Variants in PPDPFL observed in about 807,000 individuals in gnomAD.
The protein encoded by PPDPFL is pancreatic progenitor cell differentiation and proliferation factor like.
A neutral mutation model predicts 12.6 loss-of-function variants in PPDPFL; 12 were observed. That is an observed-to-expected ratio of 0.95 (90% CI 0.61 to 1.54). PPDPFL has a LOEUF of 1.54. Among genes scored for constraint, PPDPFL ranks in the 40% most tolerant of loss-of-function variants. PPDPFL has a pLI of 0.00. For synonymous variants in PPDPFL, 24 were observed against 32.7 expected (o/e 0.73, Z 0.91); for missense variants, 114 against 96.0 (o/e 1.19, Z -0.78).
intron 4 of PPDPFL, 54 bp from the exon 5 acceptor site, chr8:49,075,098 A>G: frequency 6.3e-7 from 1 of 1,596,876 alleles, no homozygotes; most frequent in Non-Finnish European, 8.5e-7. Flanking sequence ...AATTATCTGG[A>G]CAGTGTTTCA....
upstream of PPDPFL, among the ~76,000 whole-genome samples, chr8:49,068,090 A>T (rs1368443861): frequency 2.0e-5 from 3 of 152,198 alleles, no homozygotes; most frequent in Admixed American, 1.3e-4. Context: ...TGTAATCCTT[A>T]TTACCAGGCA....
At chr8:49,062,958 C>A (rs527428030) in intron 1 of PPDPFL, among the ~76,000 whole-genome samples, 87 of 152,248 alleles carry the variant, frequency 5.7e-4, no homozygotes, top group African/African-American at 2.0e-3. Context: ...TGTAACACCA[C>A]GGGAAGTGCA....
Position 49,075,216 on chromosome 8 carries a change from G to C in PPDPFL, c.*43G>C. 1.2e-6 allele frequency: 2 copies of C among 1,613,886 alleles called. No individual in the cohort carries two copies. The highest frequency in any genetic ancestry group is 1.7e-6 in the Non-Finnish European group (2 of 1,179,854). The stretch of plus-strand genomic sequence containing the variant: ...GCCATTTGATGAACATGTTGGTAAC[G>C]GTTGCCTGCCTTATGTAGCATGAAC... On this transcript the variant is annotated 3_prime_UTR_variant, in exon 5 of 5. Transcript: ENST00000522267.
upstream of PPDPFL, among the ~76,000 whole-genome samples, chr8:49,071,380 G>A (rs1471532731): frequency 1.3e-5 from 2 of 152,110 alleles, no homozygotes; most frequent in Admixed American, 6.5e-5. Flanking sequence ...AAAGCAGGCC[G>A]GGCGCAGTGG....
Position 49,064,588 on chromosome 8 carries a change from C to G in PPDPFL, c.-44-8199C>G, listed in dbSNP as rs572398862. 1.9e-4 allele frequency among the ~76,000 whole-genome samples: 29 copies of G among 152,286 alleles called. No homozygotes were observed. In the South Asian group the frequency reaches 2.1e-3, roughly 11 times the overall value. On this transcript the variant is annotated intron_variant, in intron 1 of 4. Coordinates refer to the PPDPFL transcript ENST00000517663. ...CAGGACAAGCCCACCGAGGCCCACT[C>G]ACTTCAGTCCAGCATCTCTCACTGC...
intron 1 of PPDPFL, among the ~76,000 whole-genome samples, chr8:49,064,024 G>A (rs1808255260): frequency 6.6e-6 from 1 of 152,114 alleles, no homozygotes; most frequent in Non-Finnish European, 1.5e-5. Flanking sequence ...CAGGCATAGA[G>A]CACTTGCCTG....
intron 1 of PPDPFL, among the ~76,000 whole-genome samples, chr8:49,055,371 C>T (rs1442443990): frequency 6.6e-6 from 1 of 152,104 alleles, no homozygotes; most frequent in Non-Finnish European, 1.5e-5. Flanking sequence ...GGACACCACA[C>T]TTATAATAAT....
At chr8:49,072,133 T>C (rs964046322), upstream of PPDPFL, among the ~76,000 whole-genome samples, 5 of 152,238 alleles carry the variant, frequency 3.3e-5, no homozygotes, top group East Asian at 1.9e-4. Flanking sequence ...CAAAAGAGCA[T>C]TGGGCCAAGT....
intron 1 of PPDPFL, among the ~76,000 whole-genome samples, chr8:49,064,721 A>G (rs557830385): frequency 6.6e-6 from 1 of 152,348 alleles, no homozygotes; most frequent in South Asian, 2.1e-4. Flanking sequence ...GAGTTCCTAC[A>G]GTCAGATAAT....
upstream of PPDPFL, among the ~76,000 whole-genome samples, chr8:49,071,919 G>A (rs1252119360): frequency 1.3e-5 from 2 of 152,146 alleles, no homozygotes; most frequent in African/African-American, 2.4e-5. Context: ...CGCTTTGACC[G>A]TGGGACTCTG....
rs1207066655 is a variant in PPDPFL, at chr8:49,076,084, T to TA, written c.*917dup. On this transcript the variant is annotated 3_prime_UTR_variant, in exon 5 of 5. Transcript: ENST00000522267. ...AATTAGAAAATAATAAATGTTAATATAAAAAAGCACTGAAATTTTCTGCAT... is the reference window on the plus strand; with the variant it reads ...AATTAGAAAATAATAAATGTTAATATAAAAAAAGCACTGAAATTTTCTGCAT... 1 of 152,198 alleles carries TA rather than the reference T, an allele frequency of 6.6e-6. No individual in the cohort carries two copies. Among genetic ancestry groups the TA allele is most frequent in the Non-Finnish European group, 1.5e-5 (1 of 68,026 alleles). 9.4% of individuals were successfully genotyped at this position (152,198 alleles called of 1,614,324 possible). A position where few individuals can be genotyped will look rare whatever the true frequency, so the allele number is the denominator to read the frequency against.
intron 1 of PPDPFL, among the ~76,000 whole-genome samples, chr8:49,060,682 ATGAC>A (rs1218690369): frequency 6.6e-6 from 1 of 152,132 alleles, no homozygotes; most frequent in Admixed American, 6.6e-5. Flanking sequence ...GCGGAAAAAA[ATGAC>A]TGTGTGAAAT....
intron 2 of PPDPFL, 32 bp from the exon 3 acceptor site, chr8:49,074,023 GTTAT>G (rs1268342611): frequency 7.0e-7 from 1 of 1,423,954 alleles, no homozygotes; most frequent in East Asian, 2.3e-5. Flanking sequence ...CTGGTTGCCA[GTTAT>G]TTATTTGTTT....
At chr8:49,062,695 T>C (rs1238071335) in intron 1 of PPDPFL, among the ~76,000 whole-genome samples, 3 of 152,074 alleles carry the variant, frequency 2.0e-5, no homozygotes, top group African/African-American at 4.8e-5. Context: ...AGTGGTAAGG[T>C]CAGAATAGCA....
At chr8:49,075,103 GT>G (rs1808469763) in intron 4 of PPDPFL, 48 bp from the exon 5 acceptor site, 1 of 1,601,640 alleles carries the variant, frequency 6.2e-7, no homozygotes, top group Non-Finnish European at 8.5e-7. Context: ...TCTGGACAGT[GT>G]TTCATTTATT....
At chr8:49,062,390 T>C (rs1808224655) in intron 1 of PPDPFL, among the ~76,000 whole-genome samples, 1 of 152,156 alleles carries the variant, frequency 6.6e-6, no homozygotes, top group African/African-American at 2.4e-5. Flanking sequence ...AGAAGGTGGT[T>C]GAAGAAAGGG....
intron 1 of PPDPFL, among the ~76,000 whole-genome samples, chr8:49,056,516 C>T (rs939680024): frequency 6.6e-6 from 1 of 152,108 alleles, no homozygotes; most frequent in Non-Finnish European, 1.5e-5. Flanking sequence ...AAAACTTTGT[C>T]TTGTTAACCT....
chr8:49,070,407 A>G (rs947655269), upstream of PPDPFL, among the ~76,000 whole-genome samples: 2 of 152,248 alleles, frequency 1.3e-5, no homozygotes, highest in African/African-American at 4.8e-5. Context: ...AGAAAGTCTT[A>G]CACTTTTGGA....
At position 49,075,071 on chromosome 8, in the gene PPDPFL, T is replaced by C. The variant is rs1585677663; in HGVS notation, c.234-81T>C. On this transcript the variant is annotated intron_variant, in intron 4 of 4. Transcript: ENST00000522267. Reference sequence around the variant, plus strand: ...AAAGATGTTTTCTTGACACTCTTTATCAAGTTTATTCATTTGAATTATCTG... The same window carrying C: ...AAAGATGTTTTCTTGACACTCTTTACCAAGTTTATTCATTTGAATTATCTG... 15 of 1,554,214 alleles carry C rather than the reference T, an allele frequency of 9.7e-6. No individual in the cohort carries two copies. In the East Asian group the frequency reaches 3.4e-4, roughly 36 times the overall value.
Sources: gnomAD v4.1 joint callset for allele counts (sites outside exome capture counted in the v4.1 genomes callset) on GRCh38, gnomAD v4.1.1 for gene constraint, MANE v1.5 for transcripts, NCBI Gene and HGNC (gene_info 2026-07-23, HGNC 2026-07-21) for gene names.